The following CLASP1 variants were observed in gnomAD, a reference collection of about 807,000 sequenced individuals.
The protein encoded by CLASP1 is cytoplasmic linker associated protein 1, also known as CLIP-associating protein 1.
A neutral mutation model predicts 192.3 loss-of-function variants in CLASP1; 38 were observed. The observed-to-expected ratio is 0.20, with a 90% CI of 0.15 to 0.26. The LOEUF is 0.26. Among genes scored for constraint, CLASP1 ranks in the 10% least tolerant of loss-of-function variants. The probability of loss-of-function intolerance (pLI) is 1.00; values close to 1 mark genes in which losing one functional copy is unlikely to be tolerated. For synonymous variants in CLASP1, 691 were observed against 712.8 expected (o/e 0.97, Z 0.49); for missense variants, 1,433 against 1,932.5 (o/e 0.74, Z 4.85).
At chr2:121,402,532 G>T (rs932813248) in intron 26 of CLASP1, 15 of 508,290 alleles carry the variant, frequency 3.0e-5, no homozygotes, top group African/African-American at 2.9e-4. Context: ...TCAGCTGTGG[G>T]ATTCCTGGCT....
intron 37 of CLASP1, among the ~76,000 whole-genome samples, chr2:121,351,622 T>C (rs1177849943): frequency 6.6e-6 from 1 of 152,164 alleles, no homozygotes; most frequent in Non-Finnish European, 1.5e-5. Flanking sequence ...GCTAGGAGTT[T>C]CATGAAATAA....
chr2:121,600,791 G>GGA (rs1235495223), intron 2 of CLASP1, among the ~76,000 whole-genome samples: 1 of 152,084 alleles, frequency 6.6e-6, no homozygotes, highest in Non-Finnish European at 1.5e-5. Flanking sequence ...TTTCCTATTA[G>GGA]GACCCTGATA....
At chr2:121,423,260 C>G (rs1380874497) in intron 22 of CLASP1, among the ~76,000 whole-genome samples, 1 of 152,078 alleles carries the variant, frequency 6.6e-6, no homozygotes, top group Non-Finnish European at 1.5e-5. Context: ...AAGGAAATAA[C>G]TTTCTTCAAA....
intron 37 of CLASP1, among the ~76,000 whole-genome samples, chr2:121,356,617 G>A (rs942244254): frequency 2.6e-5 from 4 of 152,294 alleles, no homozygotes; most frequent in South Asian, 2.1e-4. Flanking sequence ...TATTTTAAAA[G>A]TATTTCAGAT....
intron 8 of CLASP1, among the ~76,000 whole-genome samples, chr2:121,478,914 CCA>C (rs570749808): frequency 2.2e-3 from 140 of 63,392 alleles, no homozygotes; most frequent in Non-Finnish European, 3.6e-3. Flanking sequence ...ACCACACACA[CCA>C]CACACACACC....
At chr2:121,643,257 AGCAAGTATATAC>A (rs2072492355) in intron 1 of CLASP1, among the ~76,000 whole-genome samples, 1 of 152,224 alleles carries the variant, frequency 6.6e-6, no homozygotes, top group Non-Finnish European at 1.5e-5. Context: ...TTTTTCTAAA[AGCAAGTATATAC>A]GCACTAAAGG....
chr2:121,362,089 C>T (rs13414513), intron 37 of CLASP1, among the ~76,000 whole-genome samples: 32,256 of 152,182 alleles, frequency 0.21, 6,545 homozygotes, highest in African/African-American at 0.53. Flanking sequence ...ATTGTGTTAA[C>T]TATAATTCCC....
intron 37 of CLASP1, among the ~76,000 whole-genome samples, chr2:121,357,728 C>T (rs1390244109): frequency 6.6e-6 from 1 of 152,188 alleles, no homozygotes; most frequent in Non-Finnish European, 1.5e-5. Flanking sequence ...CTTTACAAGC[C>T]TGTGAGGTGG....
chr2:121,515,272 A>G (rs757840004), intron 7 of CLASP1, among the ~76,000 whole-genome samples: 4 of 152,224 alleles, frequency 2.6e-5, no homozygotes, highest in Non-Finnish European at 5.9e-5. Context: ...ATTTTTATCC[A>G]AACACATTCT....
chr2:121,498,335 C>A (rs948049667), intron 8 of CLASP1, among the ~76,000 whole-genome samples: 1 of 151,876 alleles, frequency 6.6e-6, no homozygotes, highest in African/African-American at 2.4e-5. Flanking sequence ...CACCACCCCC[C>A]CAGCTGGGAC....
chr2:121,347,799 A>C (rs2063645035), intron 38 of CLASP1, among the ~76,000 whole-genome samples: 1 of 152,152 alleles, frequency 6.6e-6, no homozygotes, highest in African/African-American at 2.4e-5. Flanking sequence ...AGTCCTCAAC[A>C]ATTAAGTGTT....
intron 16 of CLASP1, 89 bp from the exon 17 acceptor site, chr2:121,449,209 A>G: frequency 1.7e-6 from 2 of 1,164,130 alleles, no homozygotes; most frequent in Non-Finnish European, 2.4e-6. Context: ...AAGATTTTCA[A>G]GGACTGGAAG....
exon 33 of CLASP1, chr2:121,382,268 T>C: frequency 6.2e-7 from 1 of 1,606,020 alleles, no homozygotes; most frequent in Non-Finnish European, 8.5e-7. Flanking sequence ...GGAGTTAGGC[T>C]GAGAAAAGGG....
intron 8 of CLASP1, among the ~76,000 whole-genome samples, chr2:121,483,025 G>A (rs1006355719): frequency 6.6e-6 from 1 of 152,172 alleles, no homozygotes; most frequent in Non-Finnish European, 1.5e-5. Flanking sequence ...CTAACTCAGA[G>A]TTCATCCAGC....
intron 25 of CLASP1, among the ~76,000 whole-genome samples, chr2:121,406,310 A>C (rs2076905132): frequency 6.6e-6 from 1 of 152,220 alleles, no homozygotes; most frequent in East Asian, 1.9e-4. Context: ...GATCCATCTA[A>C]AAGACAATGC....
chr2:121,381,122 G>A (rs553610867), intron 33 of CLASP1, among the ~76,000 whole-genome samples: 7 of 152,256 alleles, frequency 4.6e-5, no homozygotes, highest in African/African-American at 7.2e-5. Context: ...AACATTCATC[G>A]CAGGGTTCTC....
Position 121,531,253 on chromosome 2 carries a change from C to A in CLASP1, c.196-928G>T, listed in dbSNP as rs72830810. On this transcript the variant is annotated intron_variant, in intron 2 of 39. Coordinates refer to ENST00000263710, the Ensembl canonical transcript of CLASP1. ...GCTGAGTCAGCCCAGTAGTCTAGGT[C>A]AAGTTTCAATAGGAGACGAAGTTTC... Among the ~76,000 whole-genome samples the A allele has an allele frequency of 2.7e-3, 414 of 152,266 alleles. 1 individual carries two copies. The highest frequency in any genetic ancestry group is 4.7e-3 in the Non-Finnish European group (318 of 68,026).
intron 21 of CLASP1, among the ~76,000 whole-genome samples, chr2:121,426,005 C>T (rs138577866): frequency 6.6e-6 from 1 of 152,010 alleles, no homozygotes; most frequent in African/African-American, 2.4e-5. Context: ...ATTTGTCAGG[C>T]ATGGTGGTAC....
chr2:121,587,413 C>G (rs958982448), intron 2 of CLASP1, among the ~76,000 whole-genome samples: 3 of 152,148 alleles, frequency 2.0e-5, no homozygotes, highest in African/African-American at 4.8e-5. Context: ...CTACCACATC[C>G]TCCTCTTAAT....
Sources: gnomAD v4.1 joint callset for allele counts (sites outside exome capture counted in the v4.1 genomes callset) on GRCh38, gnomAD v4.1.1 for gene constraint, MANE v1.5 for transcripts, NCBI Gene and HGNC (gene_info 2026-07-23, HGNC 2026-07-21) for gene names.